The following CNBD1 variants were observed in gnomAD, a reference collection of about 807,000 sequenced individuals.
The protein encoded by CNBD1 is cyclic nucleotide binding domain containing 1, also known as cyclic nucleotide-binding domain-containing protein 1.
In CNBD1, 71 loss-of-function variants were observed where a neutral mutation model predicts 54.4. That is an observed-to-expected ratio of 1.30 (90% CI 1.08 to 1.59). The LOEUF is 1.59. Among genes scored for constraint, CNBD1 ranks in the 40% most tolerant of loss-of-function variants. CNBD1 has a pLI of 0.00. For synonymous variants in CNBD1, 182 were observed against 170.7 expected, an observed-to-expected ratio of 1.07 and a Z score of -0.51; for missense variants, 659 against 518.0, an observed-to-expected ratio of 1.27 and a Z score of -2.64.
intron 2 of CNBD1, among the ~76,000 whole-genome samples, chr8:87,408,594 T>C (rs1807688747): frequency 6.6e-6 from 1 of 152,126 alleles, no homozygotes; most frequent in African/African-American, 2.4e-5. Flanking sequence ...TTGTACTCAT[T>C]CCTCAGTTTA....
intron 6 of CNBD1, among the ~76,000 whole-genome samples, chr8:87,255,365 A>G (rs1458274518): frequency 2.6e-5 from 4 of 152,168 alleles, no homozygotes; most frequent in Non-Finnish European, 4.4e-5. Context: ...ATTTATACTT[A>G]CTGTTAATAG....
chr8:87,266,438 CTTTTTTTTTTTTTTTTTTTTT>C (rs72293236), intron 6 of CNBD1, among the ~76,000 whole-genome samples: 1 of 50,120 alleles, frequency 2.0e-5, no homozygotes, highest in South Asian at 1.2e-3. Flanking sequence ...AAAAAAAAAT[CTTTTTTTTTTTTTTTTTTTTT>C]TTTTTTTTTG....
At chr8:87,038,214 A>G (rs1286541785) in intron 4 of CNBD1, among the ~76,000 whole-genome samples, 1 of 152,198 alleles carries the variant, frequency 6.6e-6, no homozygotes, top group African/African-American at 2.4e-5. Flanking sequence ...TTAGAGAACT[A>G]ATATTTAGGC....
At chr8:86,994,605 C>T (rs1808828217) in intron 4 of CNBD1, among the ~76,000 whole-genome samples, 1 of 152,204 alleles carries the variant, frequency 6.6e-6, no homozygotes, top group Non-Finnish European at 1.5e-5. Flanking sequence ...TGGTCCACAG[C>T]AAGAGTGGGT....
chr8:87,242,630 C>T (rs1807730411), intron 6 of CNBD1, among the ~76,000 whole-genome samples: 2 of 152,130 alleles, frequency 1.3e-5, no homozygotes, highest in Non-Finnish European at 2.9e-5. Context: ...GCACATCTTA[C>T]ATGTAATGAT....
chr8:87,407,044 A>G (rs1807664230), intron 2 of CNBD1, among the ~76,000 whole-genome samples: 1 of 152,208 alleles, frequency 6.6e-6, no homozygotes, highest in East Asian at 1.9e-4. Flanking sequence ...ATATACATAC[A>G]TACAGAAGTA....
chr8:87,114,225 A>G (rs1241046140), intron 4 of CNBD1, among the ~76,000 whole-genome samples: 1 of 152,236 alleles, frequency 6.6e-6, no homozygotes, highest in Non-Finnish European at 1.5e-5. Flanking sequence ...TCAGATATAT[A>G]TTGGCACAAT....
chr8:87,311,205 C>A (rs1809255965), intron 8 of CNBD1, among the ~76,000 whole-genome samples: 1 of 151,940 alleles, frequency 6.6e-6, no homozygotes, highest in Non-Finnish European at 1.5e-5. Flanking sequence ...ATATATCCAA[C>A]AAAGGTCTGA....
intron 4 of CNBD1, among the ~76,000 whole-genome samples, chr8:86,940,622 T>G (rs1336160299): frequency 6.6e-6 from 1 of 152,022 alleles, no homozygotes; most frequent in Admixed American, 6.6e-5. Context: ...ACCATGAAAA[T>G]TATAGAAGAA....
chr8:87,251,117 C>A (rs1442150786), intron 6 of CNBD1, among the ~76,000 whole-genome samples: 1 of 151,752 alleles, frequency 6.6e-6, no homozygotes, highest in South Asian at 2.1e-4. Flanking sequence ...CTGTTATGTA[C>A]CCTTAATAAT....
intron 2 of CNBD1, among the ~76,000 whole-genome samples, chr8:86,896,744 G>T (rs1808853687): frequency 6.6e-6 from 1 of 152,128 alleles, no homozygotes; most frequent in Non-Finnish European, 1.5e-5. Flanking sequence ...CTGTCAGCTA[G>T]ATTTGGCCAT....
At chr8:87,155,288 A>T (rs1261391575) in intron 4 of CNBD1, among the ~76,000 whole-genome samples, 1 of 152,138 alleles carries the variant, frequency 6.6e-6, no homozygotes, top group Non-Finnish European at 1.5e-5. Context: ...TTTTGTCTTT[A>T]TCCTGTAGAT....
At chr8:86,946,579 A>G (rs112787267) in intron 4 of CNBD1, among the ~76,000 whole-genome samples, 1 of 152,096 alleles carries the variant, frequency 6.6e-6, no homozygotes, top group Admixed American at 6.6e-5. Context: ...ATGTCTTAGT[A>G]AGTATTTAGT....
intron 5 of CNBD1, among the ~76,000 whole-genome samples, chr8:87,213,437 A>T (rs971851599): frequency 6.6e-6 from 1 of 152,160 alleles, no homozygotes; most frequent in African/African-American, 2.4e-5. Context: ...CCTCAAAATC[A>T]TGGTGGAGAG....
At chr8:87,313,236 A>G (rs1043882574) in intron 8 of CNBD1, among the ~76,000 whole-genome samples, 6 of 152,052 alleles carry the variant, frequency 3.9e-5, no homozygotes, top group Admixed American at 2.6e-4. Flanking sequence ...TGTTGGACAA[A>G]CGTTGTTTTA....
intron 4 of CNBD1, among the ~76,000 whole-genome samples, chr8:87,030,431 AG>A (rs1279093696): frequency 6.6e-6 from 1 of 152,182 alleles, no homozygotes; most frequent in East Asian, 1.9e-4. Flanking sequence ...ACTTTTTGAA[AG>A]ATAGTGAAAG....
chr8:86,897,913 G>A (rs1808872271), intron 2 of CNBD1, among the ~76,000 whole-genome samples: 1 of 152,074 alleles, frequency 6.6e-6, no homozygotes, highest in Admixed American at 6.6e-5. Flanking sequence ...GCATTTACAA[G>A]GGTGTTCACT....
chr8:87,393,880 A>T (rs1362725536), intron 2 of CNBD1, among the ~76,000 whole-genome samples: 1 of 151,880 alleles, frequency 6.6e-6, no homozygotes, highest in Non-Finnish European at 1.5e-5. Flanking sequence ...AGTGTTAGTG[A>T]AAAGATCGAA....
At chr8:87,322,504 T>C in intron 8 of CNBD1, among the ~76,000 whole-genome samples, 1 of 122,150 alleles carries the variant, frequency 8.2e-6, no homozygotes, top group East Asian at 2.1e-4. Context: ...TTCTAACTGG[T>C]GTGAGATGAT....
Sources: gnomAD v4.1 joint callset for allele counts (sites outside exome capture counted in the v4.1 genomes callset) on GRCh38, gnomAD v4.1.1 for gene constraint, MANE v1.5 for transcripts, NCBI Gene and HGNC (gene_info 2026-07-23, HGNC 2026-07-21) for gene names.